The following ASXL1 variants were observed in gnomAD, a reference collection of about 807,000 sequenced individuals.
The protein encoded by ASXL1 is ASXL transcriptional regulator 1.
In ASXL1, 65 loss-of-function variants were observed where a neutral mutation model predicts 89.1. That is an observed-to-expected ratio of 0.73 (90% confidence interval 0.60 to 0.90). The LOEUF (loss-of-function observed/expected upper bound fraction) is 0.90. Ranked by LOEUF, ASXL1 falls within the 40% of genes least tolerant of loss-of-function variation. The probability of loss-of-function intolerance (pLI) is 0.00; values close to 1 mark genes in which losing one functional copy is unlikely to be tolerated. For missense variants in ASXL1, 1,786 were observed against 1,942.9 expected (o/e 0.92, Z 1.52); for synonymous variants, 739 against 746.9 (o/e 0.99, Z 0.17).
chr20:32,380,738 C>G (rs771598151), intron 4 of ASXL1, among the ~76,000 whole-genome samples: 3 of 152,000 alleles, frequency 2.0e-5, no homozygotes, highest in Non-Finnish European at 4.4e-5. Context: ...TAATTGAGAC[C>G]CTGTCTCAAC....
At position 32,434,934 on chromosome 20, in the gene ASXL1, A is replaced by T. The variant is rs149971443; in HGVS notation, c.2222A>T (p.Asp741Val). ...CAGAGGGCTACAGTTGGACTCACAG[A>T]TGGGCTAGGAGATGCCTCCCAACTC... Reference protein sequence around the residue: ...LLQRATVGLTDGLGDASQLPV... With the variant: ...LLQRATVGLTVGLGDASQLPV... Residue 741 changes from aspartate to valine, a missense_variant, in exon 13 of 13, where the codon GAT (aspartate) becomes GTT (valine). Asp to Val is a radical substitution (Grantham distance 152). This residue lies in a region of ASXL1 where 1,418 missense variants were observed against 1,427.8 expected (regional missense o/e 0.99). Coordinates refer to ENST00000375687, the MANE Select transcript of ASXL1 (RefSeq NM_015338.6). The T allele has an allele frequency of 2.3e-4, 374 of 1,614,196 alleles. No homozygotes were observed. In the African/African-American group the frequency reaches 4.3e-3, roughly 19 times the overall value.
intron 4 of ASXL1, among the ~76,000 whole-genome samples, chr20:32,412,356 A>C (rs1391943703): frequency 2.6e-5 from 4 of 152,224 alleles, no homozygotes; most frequent in Admixed American, 6.5e-5. Flanking sequence ...TGGAAGAACA[A>C]ATCTAACTAG....
chr20:32,413,023 G>A (rs1408131032), intron 4 of ASXL1, among the ~76,000 whole-genome samples: 1 of 152,136 alleles, frequency 6.6e-6, no homozygotes, highest in African/African-American at 2.4e-5. Flanking sequence ...GGTACATGAG[G>A]GAGTGGTTAT....
chr20:32,363,668 C>G (rs1371930825), intron 1 of ASXL1, among the ~76,000 whole-genome samples: 1 of 152,216 alleles, frequency 6.6e-6, no homozygotes, highest in African/African-American at 2.4e-5. Flanking sequence ...ACATTTACCT[C>G]TGCCTGGCAG....
intron 1 of ASXL1, among the ~76,000 whole-genome samples, chr20:32,364,484 C>T (rs2048174013): frequency 6.6e-6 from 1 of 152,246 alleles, no homozygotes; most frequent in African/African-American, 2.4e-5. Flanking sequence ...TCCCAAAGTG[C>T]TGGGATTACA....
chr20:32,363,763 A>C (rs1297549083), intron 1 of ASXL1, among the ~76,000 whole-genome samples: 1 of 152,214 alleles, frequency 6.6e-6, no homozygotes, highest in African/African-American at 2.4e-5. Flanking sequence ...CACAGAGGGC[A>C]TAAGCAGGAG....
At chr20:32,372,067 T>G in intron 4 of ASXL1, 1 of 1,328,500 alleles carries the variant, frequency 7.5e-7, no homozygotes, top group Non-Finnish European at 1.0e-6. Context: ...GGAACTGAGT[T>G]TTATTTGTGT....
chr20:32,405,547 T>C (rs1319751190), intron 4 of ASXL1, among the ~76,000 whole-genome samples: 2 of 152,250 alleles, frequency 1.3e-5, no homozygotes, highest in African/African-American at 4.8e-5. Context: ...GTCCATGTAA[T>C]GTCCTTTTTG....
chr20:32,414,679 T>C (rs2049107571), intron 4 of ASXL1, among the ~76,000 whole-genome samples: 1 of 152,224 alleles, frequency 6.6e-6, no homozygotes, highest in African/African-American at 2.4e-5. Context: ...TGTGCTTAAA[T>C]AGCTGGTGGT....
chr20:32,432,844 G>T (rs748110467), intron 10 of ASXL1, 36 bp from the exon 11 acceptor site: 2 of 1,610,422 alleles, frequency 1.2e-6, no homozygotes, highest in Admixed American at 1.7e-5. Context: ...TTAATATCCC[G>T]AATGCACTTA....
intron 10 of ASXL1, chr20:32,432,547 C>T (rs919054292): frequency 2.1e-5 from 7 of 334,176 alleles, no homozygotes; most frequent in African/African-American, 1.5e-4. Context: ...ATCTAAGTTC[C>T]CAGATGTCAG....
At chr20:32,359,634 G>A in intron 1 of ASXL1, 1 of 711,768 alleles carries the variant, frequency 1.4e-6, no homozygotes, top group Non-Finnish European at 2.6e-6. Context: ...AATCCACTTT[G>A]CAAAGAATGT....
chr20:32,433,051 AATAGC>A (rs1282018984), intron 11 of ASXL1, 66 bp downstream of exon 11: 1 of 1,596,356 alleles, frequency 6.3e-7, no homozygotes, highest in Non-Finnish European at 8.5e-7. Context: ...ATGGTCTCAA[AATAGC>A]ATATACTTAT....
chr20:32,407,079 C>T (rs1024006099), intron 4 of ASXL1, among the ~76,000 whole-genome samples: 1 of 152,044 alleles, frequency 6.6e-6, no homozygotes, highest in East Asian at 1.9e-4. Context: ...TGGTGGCTCA[C>T]GCATGTAATC....
intron 4 of ASXL1, among the ~76,000 whole-genome samples, chr20:32,384,200 T>G (rs2048537963): frequency 1.3e-5 from 1 of 74,192 alleles, no homozygotes; most frequent in Non-Finnish European, 3.0e-5. Flanking sequence ...AGCAGTCTGT[T>G]TTTTTTTTTT....
At chr20:32,403,716 T>C (rs1021537535) in intron 4 of ASXL1, among the ~76,000 whole-genome samples, 1 of 152,222 alleles carries the variant, frequency 6.6e-6, no homozygotes, top group Non-Finnish European at 1.5e-5. Context: ...CAGTCAGCTG[T>C]GTATGAATTT....
chr20:32,430,027 T>C lies in ASXL1; in HGVS notation c.692T>C (p.Leu231Pro), dbSNP rs1656506666. The change falls in exon 8 of 13, where the codon CTG becomes CCG. Residue 231 changes from leucine to proline, a missense_variant. By Grantham distance (98) the Leu-to-Pro change is moderately conservative. Around this residue, in one of 3 missense-constraint regions of ASXL1, gnomAD observed 332 missense variants for 449.7 expected, o/e 0.74. Coordinates refer to ENST00000375687, the MANE Select transcript of ASXL1 (RefSeq NM_015338.6). Reference protein sequence around the residue: ...AEVTQDPAPLLRGFRKPATGQ... With the variant: ...AEVTQDPAPLPRGFRKPATGQ... Reference sequence around the variant, plus strand: ...GTCACCCAGGACCCTGCCCCGCTCCTGAGAGGCTTCCGGAAGCCAGCCACA... The same window carrying C: ...GTCACCCAGGACCCTGCCCCGCTCCCGAGAGGCTTCCGGAAGCCAGCCACA... 9 of 1,606,576 alleles carry C rather than the reference T, an allele frequency of 5.6e-6. No individual in the cohort carries two copies. Among genetic ancestry groups the C allele is most frequent in the Non-Finnish European group, 7.6e-6 (9 of 1,179,898 alleles).
chr20:32,366,566 G>A (rs540062956), intron 2 of ASXL1, 100 bp downstream of exon 2: 23 of 1,596,066 alleles, frequency 1.4e-5, no homozygotes, highest in Admixed American at 3.4e-5. Flanking sequence ...ATGTATTTGT[G>A]CTTCTGTGTC....
chr20:32,394,655 A>G (rs904041262), intron 4 of ASXL1, among the ~76,000 whole-genome samples: 2 of 152,118 alleles, frequency 1.3e-5, no homozygotes, highest in African/African-American at 2.4e-5. Context: ...TCACTTTTAC[A>G]TATGTTGTAA....
Sources: gnomAD v4.1 joint callset for allele counts (sites outside exome capture counted in the v4.1 genomes callset) on GRCh38, gnomAD v4.1.1 for gene constraint, gnomAD v4.1.1 regional missense constraint, MANE v1.5 for transcripts, NCBI Gene and HGNC (gene_info 2026-07-23, HGNC 2026-07-21) for gene names.